ERC2: variants seen among roughly 807,000 people sequenced by gnomAD.
ERC2 encodes the protein ERC protein 2.
A neutral mutation model predicts 114.8 loss-of-function variants in ERC2; 42 were observed. The ratio of observed to expected loss-of-function variants is 0.37; its 90% CI spans 0.29 to 0.47. ERC2 has a LOEUF of 0.47. ERC2 is among the 20% of genes least tolerant of loss of function. ERC2 has a pLI of 0.99. For missense variants in ERC2, 939 were observed against 1,150.7 expected (o/e 0.82, Z 2.66); for synonymous variants, 454 against 425.5 (o/e 1.07, Z -0.82).
intron 3 of ERC2, among the ~76,000 whole-genome samples, chr3:56,217,129 G>C (rs1423701426): frequency 6.6e-6 from 1 of 152,198 alleles, no homozygotes; most frequent in Non-Finnish European, 1.5e-5. Context: ...AGTGTTGGAA[G>C]TTCTGGCCAG....
intron 4 of ERC2, among the ~76,000 whole-genome samples, chr3:56,170,587 T>A (rs964522677): frequency 4.7e-5 from 1 of 21,194 alleles, no homozygotes; most frequent in African/African-American, 9.1e-5. Flanking sequence ...TCTCTTCTGT[T>A]TTTTTTTTTT....
chr3:55,870,996 G>A (rs1003309102), intron 14 of ERC2, among the ~76,000 whole-genome samples: 2 of 152,140 alleles, frequency 1.3e-5, no homozygotes, highest in Non-Finnish European at 2.9e-5. Flanking sequence ...CCTCTCTAGA[G>A]CAAACAGATT....
chr3:56,204,168 G>A (rs1279884196), intron 3 of ERC2, among the ~76,000 whole-genome samples: 2 of 152,242 alleles, frequency 1.3e-5, no homozygotes, highest in Admixed American at 6.5e-5. Flanking sequence ...CAGCCTGGGA[G>A]ACAGAAAGAG....
At chr3:56,330,208 AT>A (rs1430529597) in intron 2 of ERC2, among the ~76,000 whole-genome samples, 1 of 151,908 alleles carries the variant, frequency 6.6e-6, no homozygotes, top group Admixed American at 6.6e-5. Context: ...TAATTTTTGA[AT>A]TTATTTTTAC....
At chr3:55,699,815 AC>A (rs1224841192) in intron 15 of ERC2, among the ~76,000 whole-genome samples, 2 of 152,186 alleles carry the variant, frequency 1.3e-5, no homozygotes, top group Non-Finnish European at 2.9e-5. Context: ...TCAAGCAATC[AC>A]AGAGATCCAA....
At chr3:55,781,816 G>A (rs1160413918) in intron 14 of ERC2, among the ~76,000 whole-genome samples, 1 of 149,830 alleles carries the variant, frequency 6.7e-6, no homozygotes, top group Non-Finnish European at 1.5e-5. Flanking sequence ...AGGTTGCAGT[G>A]AGCCGAGATC....
At chr3:56,308,905 G>T (rs901626059) in intron 2 of ERC2, among the ~76,000 whole-genome samples, 3 of 152,026 alleles carry the variant, frequency 2.0e-5, no homozygotes, top group Non-Finnish European at 4.4e-5. Flanking sequence ...CTTCTCCTGT[G>T]ACTTTATTTT....
intron 7 of ERC2, among the ~76,000 whole-genome samples, chr3:56,041,926 T>A (rs1236483995): frequency 6.6e-6 from 1 of 152,202 alleles, no homozygotes; most frequent in Non-Finnish European, 1.5e-5. Context: ...AAATACTTTT[T>A]AAAAACAGAT....
intron 3 of ERC2, among the ~76,000 whole-genome samples, chr3:56,196,035 C>T (rs773904569): frequency 5.3e-5 from 8 of 152,034 alleles, no homozygotes; most frequent in Admixed American, 2.0e-4. Flanking sequence ...CACCAAAGCA[C>T]GAGGAGAGTA....
chr3:56,025,013 G>A (rs1049672548), intron 7 of ERC2, among the ~76,000 whole-genome samples: 15 of 152,244 alleles, frequency 9.9e-5, no homozygotes, highest in Middle Eastern at 6.8e-3. Flanking sequence ...AACCTGTGTC[G>A]CACGTGGCTG....
chr3:55,713,096 TTCTC>T (rs143906006), intron 15 of ERC2, among the ~76,000 whole-genome samples: 61,504 of 134,700 alleles, frequency 0.46, 13,959 homozygotes, highest in South Asian at 0.56. Context: ...TCCTCTGCCA[TTCTC>T]TCTCTCTCTC....
Position 56,222,605 on chromosome 3 carries a change from A to G in ERC2, c.1075-49085T>C, listed in dbSNP as rs556729155. ...CTTTCTGAACCATCTACTCATAAGTACTTATCTAATTTTTGGCTCCCCTAG... is the reference window on the plus strand; with the variant it reads ...CTTTCTGAACCATCTACTCATAAGTGCTTATCTAATTTTTGGCTCCCCTAG... On this transcript the variant is annotated intron_variant, in intron 3 of 17. Coordinates refer to ENST00000288221, the MANE Select transcript of ERC2 (RefSeq NM_015576.3). 2.0e-5 allele frequency among the ~76,000 whole-genome samples: 3 copies of G among 152,290 alleles called. No homozygotes were observed. In the East Asian group the frequency reaches 5.8e-4, roughly 29 times the overall value.
chr3:55,661,141 T>G (rs187864965), intron 17 of ERC2, among the ~76,000 whole-genome samples: 8 of 152,346 alleles, frequency 5.3e-5, no homozygotes, highest in Admixed American at 2.0e-4. Flanking sequence ...ACTTAGTGAC[T>G]TTAAAAAATA....
intron 3 of ERC2, among the ~76,000 whole-genome samples, chr3:56,275,265 C>T (rs534343994): frequency 6.6e-6 from 1 of 152,326 alleles, no homozygotes; most frequent in Admixed American, 6.5e-5. Context: ...CTCAAGCAGA[C>T]TGCTTTTCCT....
At chr3:56,217,984 T>G (rs1195937860) in intron 3 of ERC2, among the ~76,000 whole-genome samples, 5 of 152,026 alleles carry the variant, frequency 3.3e-5, no homozygotes, top group African/African-American at 7.2e-5. Context: ...ATACAAAAAT[T>G]AATTCAAGAT....
intron 4 of ERC2, among the ~76,000 whole-genome samples, chr3:56,149,966 CA>C (rs2081333166): frequency 6.6e-6 from 1 of 151,734 alleles, no homozygotes; most frequent in Non-Finnish European, 1.5e-5. Context: ...GTAACCAAAA[CA>C]AAACAAAAAA....
chr3:55,729,945 G>C (rs1371595447), intron 15 of ERC2, among the ~76,000 whole-genome samples: 1 of 150,324 alleles, frequency 6.7e-6, no homozygotes, highest in Admixed American at 6.7e-5. Flanking sequence ...ACACAGAGCA[G>C]GCAGTCAATG....
intron 3 of ERC2, among the ~76,000 whole-genome samples, chr3:56,272,587 T>G (rs1206631087): frequency 6.6e-6 from 1 of 152,132 alleles, no homozygotes; most frequent in East Asian, 1.9e-4. Context: ...CTGGCCAACA[T>G]AGTGAAACGC....
chr3:55,603,213 GA>G (rs1180793678), intron 17 of ERC2, among the ~76,000 whole-genome samples: 2 of 152,146 alleles, frequency 1.3e-5, no homozygotes, highest in Admixed American at 6.5e-5. Context: ...TAAAACCAGA[GA>G]TACTATGTTT....
Sources: gnomAD v4.1 joint callset for allele counts (sites outside exome capture counted in the v4.1 genomes callset) on GRCh38, gnomAD v4.1.1 for gene constraint, MANE v1.5 for transcripts, NCBI Gene and HGNC (gene_info 2026-07-23, HGNC 2026-07-21) for gene names.